Variants in CNIH3 observed in about 807,000 individuals in gnomAD.
The protein encoded by CNIH3 is cornichon family AMPA receptor auxiliary protein 3, also known as protein cornichon homolog 3.
Under a neutral mutation model 24.1 loss-of-function variants are expected in CNIH3, and 14 were observed. That is an observed-to-expected ratio of 0.58 (90% confidence interval 0.38 to 0.91). The LOEUF (loss-of-function observed/expected upper bound fraction) is 0.91. Among genes scored for constraint, CNIH3 ranks in the 40% least tolerant of loss-of-function variants. The pLI, the probability that CNIH3 is intolerant of heterozygous loss-of-function variation, is 0.00. For missense variants in CNIH3, 178 were observed against 196.8 expected (o/e 0.90, Z 0.57); for synonymous variants, 68 against 73.8 (o/e 0.92, Z 0.40).
intron 3 of CNIH3, among the ~76,000 whole-genome samples, chr1:224,723,508 G>A (rs1319676909): frequency 6.6e-6 from 1 of 152,182 alleles, no homozygotes; most frequent in Non-Finnish European, 1.5e-5. Context: ...TGGAAAAGTG[G>A]GAGGCCTGGA....
chr1:224,669,424 G>A (rs953768757), intron 1 of CNIH3, among the ~76,000 whole-genome samples: 2 of 152,218 alleles, frequency 1.3e-5, no homozygotes, highest in South Asian at 2.1e-4. Context: ...TCCAGCTTCT[G>A]TCCTGGCAAC....
At chr1:224,725,718 G>C (rs1022053176) in intron 3 of CNIH3, among the ~76,000 whole-genome samples, 8 of 152,170 alleles carry the variant, frequency 5.3e-5, no homozygotes, top group Admixed American at 5.2e-4. Flanking sequence ...AACAACAGGG[G>C]CGCTTGCTGC....
chr1:224,474,996 G>C (rs1676519316), intron 1 of CNIH3, among the ~76,000 whole-genome samples: 1 of 146,942 alleles, frequency 6.8e-6, no homozygotes, highest in African/African-American at 2.5e-5. Flanking sequence ...AGTGAGTCGA[G>C]ATCGTGCCAC....
intron 1 of CNIH3, among the ~76,000 whole-genome samples, chr1:224,498,707 G>C (rs1046758631): frequency 2.6e-5 from 4 of 152,238 alleles, no homozygotes; most frequent in Admixed American, 2.6e-4. Context: ...AAAGAATGGA[G>C]AATGCATCAG....
intron 4 of CNIH3, among the ~76,000 whole-genome samples, chr1:224,582,685 CA>C (rs1457988721): frequency 3.3e-5 from 5 of 152,124 alleles, no homozygotes; most frequent in Admixed American, 2.6e-4. Flanking sequence ...GTGGCATATT[CA>C]GGAATCAGAA....
At chr1:224,563,470 T>G (rs1407426923) in intron 3 of CNIH3, among the ~76,000 whole-genome samples, 2 of 118,434 alleles carry the variant, frequency 1.7e-5, no homozygotes, top group East Asian at 4.5e-4. Context: ...GGTGTGTGTG[T>G]GTGTGTGTGT....
At chr1:224,682,267 C>T (rs990846238) in intron 2 of CNIH3, among the ~76,000 whole-genome samples, 1 of 152,154 alleles carries the variant, frequency 6.6e-6, no homozygotes, top group Non-Finnish European at 1.5e-5. Context: ...ATGAGACAGG[C>T]ATCATTAACC....
intron 3 of CNIH3, among the ~76,000 whole-genome samples, chr1:224,727,670 G>C (rs1291069623): frequency 2.0e-5 from 3 of 152,120 alleles, no homozygotes; most frequent in African/African-American, 7.2e-5. Context: ...TTTCCATTTG[G>C]TCTAGAAGGA....
At chr1:224,675,370 T>C (rs1434114428) in intron 1 of CNIH3, among the ~76,000 whole-genome samples, 2 of 152,194 alleles carry the variant, frequency 1.3e-5, no homozygotes, top group Non-Finnish European at 2.9e-5. Context: ...TAGAAAAATA[T>C]GTAAGTGAAA....
downstream of CNIH3, among the ~76,000 whole-genome samples, chr1:224,541,707 C>A (rs962636177): frequency 6.6e-6 from 1 of 152,104 alleles, no homozygotes; most frequent in Non-Finnish European, 1.5e-5. Flanking sequence ...ATGCAACTGG[C>A]TATTCTTTTT....
At chr1:224,644,367 C>T (rs1254984304) in intron 1 of CNIH3, among the ~76,000 whole-genome samples, 5 of 151,906 alleles carry the variant, frequency 3.3e-5, no homozygotes, top group Admixed American at 6.5e-5. Flanking sequence ...TGTGCCTCCA[C>T]GCCCAGCTAA....
In CNIH3 at chr1:224,631,759, C is replaced by T. The variant is rs10916657; in HGVS notation, c.81+14504C>T. Among the ~76,000 whole-genome samples the T allele has an allele frequency of 6.1e-3, 935 of 152,130 alleles. 8 individuals carry two copies. Among genetic ancestry groups the T allele is most frequent in the Non-Finnish European group, 0.011 (729 of 68,008 alleles). Reference sequence around the variant, plus strand: ...GTGTTCGCATGGTCCATTTTGACTCCGGGATGTATCTCTCCTGCTGGGGAA... The same window carrying T: ...GTGTTCGCATGGTCCATTTTGACTCTGGGATGTATCTCTCCTGCTGGGGAA... On this transcript the variant is annotated intron_variant, in intron 1 of 5. Transcript: ENST00000272133.
intron 3 of CNIH3, among the ~76,000 whole-genome samples, chr1:224,706,958 CTTTTTTTTTTTT>C (rs71170031): frequency 1.2e-5 from 1 of 82,124 alleles, no homozygotes; most frequent in Non-Finnish European, 2.3e-5. Flanking sequence ...TCCTTTCTTT[CTTTTTTTTTTTT>C]TTTTTTTTTT....
At chr1:224,461,107 ATTC>A (rs1441951451) in intron 1 of CNIH3, among the ~76,000 whole-genome samples, 1 of 151,736 alleles carries the variant, frequency 6.6e-6, no homozygotes, top group African/African-American at 2.4e-5. Context: ...GGTTCAAGAA[ATTC>A]TTGTGCGTTG....
chr1:224,673,731 G>A (rs934942128), intron 1 of CNIH3, among the ~76,000 whole-genome samples: 2 of 152,076 alleles, frequency 1.3e-5, no homozygotes, highest in Non-Finnish European at 2.9e-5. Flanking sequence ...GTGATGACAG[G>A]GACCTTCTGT....
At chr1:224,467,478 C>T (rs1026549876) in intron 1 of CNIH3, among the ~76,000 whole-genome samples, 10 of 152,140 alleles carry the variant, frequency 6.6e-5, no homozygotes, top group Non-Finnish European at 1.0e-4. Flanking sequence ...GGCTGGAGTG[C>T]AATAGTGCGA....
At chr1:224,671,259 T>C (rs1685851748) in intron 1 of CNIH3, among the ~76,000 whole-genome samples, 1 of 152,224 alleles carries the variant, frequency 6.6e-6, no homozygotes, top group African/African-American at 2.4e-5. Flanking sequence ...GGGGTGGAGT[T>C]AGGGCAAGAC....
chr1:224,584,500 AAGAC>A (rs1358281495), intron 5 of CNIH3, among the ~76,000 whole-genome samples: 3 of 152,260 alleles, frequency 2.0e-5, no homozygotes, highest in African/African-American at 7.2e-5. Context: ...ATTTCACTAA[AAGAC>A]AGAGAAAAAG....
At chr1:224,633,820 A>G (rs1357938100) in intron 1 of CNIH3, among the ~76,000 whole-genome samples, 1 of 152,214 alleles carries the variant, frequency 6.6e-6, no homozygotes, top group African/African-American at 2.4e-5. Context: ...AATGTGGGTG[A>G]CCAAAAAATG....
Sources: allele counts gnomAD v4.1 joint callset (sites outside exome capture counted in the v4.1 genomes callset), GRCh38; gene constraint gnomAD v4.1.1; transcripts MANE v1.5; gene names NCBI Gene and HGNC (gene_info 2026-07-23, HGNC 2026-07-21).